The following CCDC30 variants were observed in gnomAD, a reference collection of about 807,000 sequenced individuals.
The protein encoded by CCDC30 is coiled-coil domain containing 30.
A neutral mutation model predicts 100.2 loss-of-function variants in CCDC30; 70 were observed. The observed-to-expected ratio is 0.70, with a 90% CI of 0.58 to 0.85. The LOEUF (loss-of-function observed/expected upper bound fraction) is 0.85. CCDC30 is among the 40% of genes least tolerant of loss of function. CCDC30 has a pLI of 0.00. For missense variants in CCDC30, 652 were observed against 771.2 expected, an observed-to-expected ratio of 0.85 and a Z score of 1.83; for synonymous variants, 233 against 269.5, an observed-to-expected ratio of 0.86 and a Z score of 1.33.
chr1:42,634,249 C>CAAAAAAAAA (rs754829759), intron 11 of CCDC30, among the ~76,000 whole-genome samples: 8 of 115,302 alleles, frequency 6.9e-5, no homozygotes, highest in East Asian at 2.9e-4. Flanking sequence ...AAGACTGTCT[C>CAAAAAAAAA]AAAAAAAAAA....
At chr1:42,578,684 G>T (rs1645895324) in intron 8 of CCDC30, among the ~76,000 whole-genome samples, 1 of 151,986 alleles carries the variant, frequency 6.6e-6, no homozygotes, top group Admixed American at 6.5e-5. Flanking sequence ...TTAAAGATGT[G>T]TGCATCATAC....
chr1:42,547,703 A>C (rs1472011562), intron 6 of CCDC30, among the ~76,000 whole-genome samples: 4 of 152,058 alleles, frequency 2.6e-5, no homozygotes, highest in African/African-American at 9.7e-5. Flanking sequence ...TTTTTTTCTC[A>C]TAATGTTTTC....
At chr1:42,542,200 ACTTT>A (rs1645024533) in intron 6 of CCDC30, among the ~76,000 whole-genome samples, 1 of 152,186 alleles carries the variant, frequency 6.6e-6, no homozygotes, top group Admixed American at 6.5e-5. Context: ...GATGGCTTTA[ACTTT>A]CTTTGTTATA....
intron 10 of CCDC30, chr1:42,595,537 A>G (rs894036599): frequency 6.6e-6 from 1 of 152,192 alleles, no homozygotes; most frequent in Admixed American, 6.6e-5. Context: ...ACAGAGCAAG[A>G]CTCTGTCTCA....
intron 6 of CCDC30, among the ~76,000 whole-genome samples, chr1:42,564,682 A>C (rs1227923453): frequency 6.6e-6 from 1 of 152,216 alleles, no homozygotes; most frequent in Non-Finnish European, 1.5e-5. Flanking sequence ...CATCTCACAT[A>C]CTTTTTTGTG....
rs79217499 is a variant in CCDC30 at position 42,476,895 on chromosome 1, G to GT, written c.-91-3554dup. On this transcript the variant is annotated intron_variant, in intron 1 of 16. Transcript: ENST00000668663. ...TTCGTTGATGGAAGTTTTTTTTTTT[G>GT]TTTTTTTTTTTTGCCTAGGTGTAGA... is the stretch of plus-strand genomic sequence containing the variant. Among the ~76,000 whole-genome samples the GT allele has an allele frequency of 8.8e-3, 1,145 of 130,146 alleles. 8 individuals carry two copies. Among genetic ancestry groups the GT allele is most frequent in the Non-Finnish European group, 0.011 (665 of 60,238 alleles). The allele number at this position is 130,146 out of a possible 152,430, so 85.4% of individuals were successfully genotyped here.
At position 42,596,642 on chromosome 1, in the gene CCDC30, C is replaced by T. The variant is rs979796802; in HGVS notation, c.1164+7159C>T. The stretch of plus-strand genomic sequence containing the variant: ...ACCCATCCACCCCAACACTTCACCA[C>T]CACATCACTAACGGCCCATTTAACA... On this transcript the variant is annotated intron_variant, in intron 10 of 16. Coordinates refer to ENST00000668663, the Ensembl canonical transcript of CCDC30. The surrounding 1 kb of genome is among the most constrained non-coding windows in gnomAD (Gnocchi z 4.3). Among the ~76,000 whole-genome samples, 1 of 152,130 alleles carries T rather than the reference C, an allele frequency of 6.6e-6. No homozygotes were observed. Among genetic ancestry groups the T allele is most frequent in the African/African-American group, 2.4e-5 (1 of 41,416 alleles).
At chr1:42,507,207 A>G (rs1253656626) in intron 6 of CCDC30, among the ~76,000 whole-genome samples, 2 of 152,180 alleles carry the variant, frequency 1.3e-5, no homozygotes, top group Admixed American at 1.3e-4. Flanking sequence ...GATTACAGAC[A>G]TGAGCCACCG....
At chr1:42,513,750 G>A (rs375200556) in intron 6 of CCDC30, among the ~76,000 whole-genome samples, 5 of 151,934 alleles carry the variant, frequency 3.3e-5, no homozygotes, top group East Asian at 1.9e-4. Flanking sequence ...ATTTTATGTC[G>A]CTATAAAGGA....
chr1:42,457,384 C>T, the CCDC30 span: 44 of 1,566,244 alleles, frequency 2.8e-5, no homozygotes, highest in Non-Finnish European at 3.9e-5. Flanking sequence ...GATCTAATCC[C>T]ATATAACCAA....
intron 6 of CCDC30, among the ~76,000 whole-genome samples, chr1:42,562,524 A>G (rs1008148717): frequency 6.6e-6 from 1 of 152,208 alleles, no homozygotes; most frequent in African/African-American, 2.4e-5. Context: ...CCTAGGCAAT[A>G]CTATTCAGGA....
At chr1:42,624,720 C>A (rs545806744) in intron 11 of CCDC30, among the ~76,000 whole-genome samples, 25 of 152,316 alleles carry the variant, frequency 1.6e-4, no homozygotes, top group South Asian at 1.5e-3. Context: ...GTCAAGCTGT[C>A]CTCCTGCCTC....
the CCDC30 span, chr1:42,456,669 G>A: frequency 1.9e-6 from 3 of 1,602,248 alleles, no homozygotes; most frequent in African/African-American, 2.7e-5. Context: ...GCGCAGGGCC[G>A]GCGGGTGGTG....
At chr1:42,576,001 A>T (rs1360210360) in intron 7 of CCDC30, among the ~76,000 whole-genome samples, 1 of 152,224 alleles carries the variant, frequency 6.6e-6, no homozygotes, top group Non-Finnish European at 1.5e-5. Flanking sequence ...CAGTGGGAGA[A>T]GGAGAAATAA....
rs4019432 is a variant in CCDC30 at position 42,629,969 on chromosome 1, A to ATTT, written c.1278-7247_1278-7245dup. The stretch of plus-strand genomic sequence containing the variant: ...CAATAACTCTTAGATATGTCCCCCT[A>ATTT]TTTTTTTTTTTTTTTTTTTTTTTGA... On this transcript the variant is annotated intron_variant, in intron 11 of 16. Transcript: ENST00000668663. 1.3e-3 allele frequency among the ~76,000 whole-genome samples: 113 copies of ATTT among 90,114 alleles called. 2 individuals are homozygous for ATTT. The highest frequency in any genetic ancestry group is 4.4e-3 in the African/African-American group (101 of 22,772). The allele number at this position is 90,114 out of a possible 152,430, so 59.1% of individuals were successfully genotyped here.
At chr1:42,480,636 A>G (rs1419217811) in intron 2 of CCDC30, 70 bp downstream of exon 2, 151 of 984,680 alleles carry the variant, frequency 1.5e-4, no homozygotes, top group Non-Finnish European at 1.8e-4. Flanking sequence ...TTTCATTTAT[A>G]TATTGAATTT....
chr1:42,472,278 C>G (rs1334645954), intron 1 of CCDC30, among the ~76,000 whole-genome samples: 1 of 151,990 alleles, frequency 6.6e-6, no homozygotes, highest in Non-Finnish European at 1.5e-5. Context: ...GTTAGTGGCT[C>G]TAGTAACACA....
At chr1:42,499,368 G>C (rs1644273832) in intron 6 of CCDC30, among the ~76,000 whole-genome samples, 1 of 152,126 alleles carries the variant, frequency 6.6e-6, no homozygotes, top group Non-Finnish European at 1.5e-5. Flanking sequence ...TAATGGCCAT[G>C]AATATGTTTT....
At chr1:42,617,938 T>C (rs1055877113) in intron 11 of CCDC30, among the ~76,000 whole-genome samples, 1 of 152,254 alleles carries the variant, frequency 6.6e-6, no homozygotes, top group African/African-American at 2.4e-5. Flanking sequence ...GAAGTTAAAC[T>C]ATAAACTAAG....
Sources: allele counts gnomAD v4.1 joint callset (sites outside exome capture counted in the v4.1 genomes callset), GRCh38; gene constraint gnomAD v4.1.1; non-coding constraint Gnocchi (gnomAD v3.1); transcripts MANE v1.5; gene names NCBI Gene and HGNC (gene_info 2026-07-23, HGNC 2026-07-21).